The following RBMS3 variants were observed in gnomAD, a reference collection of about 807,000 sequenced individuals.
RBMS3 encodes the protein RNA binding motif single stranded interacting protein 3, also known as RNA-binding motif, single-stranded-interacting protein 3.
RBMS3 carries 27 observed loss-of-function variants against 66.8 expected under a neutral mutation model. The observed-to-expected ratio is 0.40, with a 90% CI of 0.30 to 0.56. The LOEUF (loss-of-function observed/expected upper bound fraction) is 0.56, where lower values mean the gene tolerates loss of function less well. RBMS3 is among the 20% of genes least tolerant of loss of function. The pLI is 0.40. For synonymous variants in RBMS3, 188 were observed against 183.0 expected (o/e 1.03, Z -0.22); for missense variants, 513 against 549.5 (o/e 0.93, Z 0.66).
At chr3:29,732,699 T>C (rs76612332) in intron 4 of RBMS3, among the ~76,000 whole-genome samples, 4,240 of 152,316 alleles carry the variant, frequency 0.028, 82 homozygotes, top group Admixed American at 0.062. Context: ...AATGCTCTGA[T>C]TCCCTGTTTT....
At chr3:29,875,211 A>T (rs1243000457) in intron 7 of RBMS3, among the ~76,000 whole-genome samples, 3 of 151,958 alleles carry the variant, frequency 2.0e-5, no homozygotes, top group Non-Finnish European at 4.4e-5. Flanking sequence ...CAAGATTCAG[A>T]ATTACCCCCA....
chr3:29,603,427 T>A (rs2048212802), intron 4 of RBMS3, among the ~76,000 whole-genome samples: 1 of 151,972 alleles, frequency 6.6e-6, no homozygotes, highest in African/African-American at 2.4e-5. Context: ...ATCTGTGCAA[T>A]CTTTTAGAAC....
In RBMS3 at chr3:29,535,710, C is replaced by CTTTTTTTTTTTTTTTTTT. The variant is rs149022808; in HGVS notation, c.307+47225_307+47242dup. Among the ~76,000 whole-genome samples the CTTTTTTTTTTTTTTTTTT allele has an allele frequency of 6.8e-4, 27 of 39,744 alleles. 8 individuals are homozygous for CTTTTTTTTTTTTTTTTTT. Among genetic ancestry groups the CTTTTTTTTTTTTTTTTTT allele is most frequent in the African/African-American group, 1.1e-3 (11 of 9,860 alleles). The allele number at this position is 39,744 out of a possible 152,430, so 26.1% of individuals were successfully genotyped here. ...GAGTTCAATGATTGAGATCATTGCT[C>CTTTTTTTTTTTTTTTTTT]TTTTTTTTTTTTTTTTTTTTTTTTT... is the stretch of plus-strand genomic sequence containing the variant. On this transcript the variant is annotated intron_variant, in intron 3 of 14. Coordinates refer to ENST00000383767, the MANE Select transcript of RBMS3 (RefSeq NM_001003793.3).
At chr3:29,934,700 C>A (rs2061220323) in intron 10 of RBMS3, among the ~76,000 whole-genome samples, 2 of 152,004 alleles carry the variant, frequency 1.3e-5, no homozygotes, top group African/African-American at 4.8e-5. Flanking sequence ...CTGATTGATT[C>A]CTACTGAAAA....
At chr3:29,442,824 T>C (rs1201111092) in intron 2 of RBMS3, among the ~76,000 whole-genome samples, 1 of 152,158 alleles carries the variant, frequency 6.6e-6, no homozygotes, top group Non-Finnish European at 1.5e-5. Flanking sequence ...CTATGGATGG[T>C]AAATTCCTTT....
chr3:29,461,232 G>A (rs981425255), intron 2 of RBMS3, among the ~76,000 whole-genome samples: 5 of 152,160 alleles, frequency 3.3e-5, no homozygotes, highest in African/African-American at 1.2e-4. Context: ...TGTGCAATAT[G>A]CTTACAGTTT....
chr3:29,969,326 C>A (rs572035709), intron 12 of RBMS3, among the ~76,000 whole-genome samples: 1 of 152,086 alleles, frequency 6.6e-6, no homozygotes, highest in Admixed American at 6.5e-5. Context: ...TATGATCTCC[C>A]CAACCACAAA....
At chr3:29,942,521 G>A (rs912295206) in intron 11 of RBMS3, among the ~76,000 whole-genome samples, 4 of 151,548 alleles carry the variant, frequency 2.6e-5, no homozygotes, top group Admixed American at 1.3e-4. Context: ...AAACCCTGTC[G>A]AAAGAGAAAG....
intron 4 of RBMS3, among the ~76,000 whole-genome samples, chr3:29,725,872 A>C (rs1395391824): frequency 6.6e-6 from 1 of 152,200 alleles, no homozygotes; most frequent in African/African-American, 2.4e-5. Flanking sequence ...GGCCAGCATC[A>C]TCCTGATAAC....
chr3:29,315,165 A>G (rs1324328273), intron 1 of RBMS3, among the ~76,000 whole-genome samples: 1 of 151,826 alleles, frequency 6.6e-6, no homozygotes, highest in African/African-American at 2.4e-5. Flanking sequence ...TAACATGTTT[A>G]TAAGCTTTCA....
At chr3:29,754,995 A>G (rs975728494) in intron 5 of RBMS3, among the ~76,000 whole-genome samples, 2 of 152,150 alleles carry the variant, frequency 1.3e-5, no homozygotes, top group Non-Finnish European at 2.9e-5. Context: ...CATATCTCAC[A>G]TAGTTGACCT....
At chr3:29,397,903 A>G (rs1000033528) in intron 1 of RBMS3, among the ~76,000 whole-genome samples, 2 of 152,150 alleles carry the variant, frequency 1.3e-5, no homozygotes, top group African/African-American at 4.8e-5. Flanking sequence ...CCATAGCCAT[A>G]GGGTCTCGAT....
At chr3:29,554,358 T>C (rs1261703618) in intron 3 of RBMS3, among the ~76,000 whole-genome samples, 1 of 152,248 alleles carries the variant, frequency 6.6e-6, no homozygotes, top group Non-Finnish European at 1.5e-5. Flanking sequence ...CTATAAGTTA[T>C]ACATTTTCTA....
intron 6 of RBMS3, among the ~76,000 whole-genome samples, chr3:29,795,351 G>A (rs988352191): frequency 4.6e-5 from 7 of 152,148 alleles, no homozygotes; most frequent in Middle Eastern, 3.2e-3. Flanking sequence ...AAAACCTCCA[G>A]GCTGAGTATA....
intron 6 of RBMS3, among the ~76,000 whole-genome samples, chr3:29,840,118 G>A (rs1160851341): frequency 6.6e-6 from 1 of 151,790 alleles, no homozygotes; most frequent in Non-Finnish European, 1.5e-5. Flanking sequence ...AAGAAAATTA[G>A]ATTGGAGATC....
intron 3 of RBMS3, among the ~76,000 whole-genome samples, chr3:29,530,520 T>A (rs1206993437): frequency 1.3e-5 from 2 of 152,086 alleles, no homozygotes; most frequent in Non-Finnish European, 2.9e-5. Flanking sequence ...GTAAAATTGA[T>A]AAAGAGATGG....
At chr3:29,503,348 A>T (rs978451737) in intron 3 of RBMS3, among the ~76,000 whole-genome samples, 1 of 151,944 alleles carries the variant, frequency 6.6e-6, no homozygotes, top group Non-Finnish European at 1.5e-5. Flanking sequence ...TTACCTTGTC[A>T]TTCATTCCCT....
At chr3:29,602,231 T>C (rs963526236) in intron 4 of RBMS3, among the ~76,000 whole-genome samples, 1 of 151,920 alleles carries the variant, frequency 6.6e-6, no homozygotes, top group Non-Finnish European at 1.5e-5. Flanking sequence ...TCCACATGCA[T>C]TTGACAGAAG....
At chr3:29,365,572 T>A (rs2037854455) in intron 1 of RBMS3, among the ~76,000 whole-genome samples, 1 of 152,136 alleles carries the variant, frequency 6.6e-6, no homozygotes, top group African/African-American at 2.4e-5. Flanking sequence ...GACAGTATTC[T>A]TTGCGTTAAG....
Sources: gnomAD v4.1 joint callset for allele counts (sites outside exome capture counted in the v4.1 genomes callset) on GRCh38, gnomAD v4.1.1 for gene constraint, MANE v1.5 for transcripts, NCBI Gene and HGNC (gene_info 2026-07-23, HGNC 2026-07-21) for gene names.